Variants in GRIP1 observed in about 807,000 individuals in gnomAD.
GRIP1 encodes the protein glutamate receptor-interacting protein 1.
In GRIP1, 45 loss-of-function variants were observed where a neutral mutation model predicts 129.9. That is an observed-to-expected ratio of 0.35 (90% CI 0.27 to 0.44). GRIP1 has a LOEUF of 0.44. GRIP1 is among the 20% of genes least tolerant of loss of function. The pLI, the probability that GRIP1 is intolerant of heterozygous loss-of-function variation, is 1.00. For missense variants in GRIP1, 1,196 were observed against 1,396.8 expected, an observed-to-expected ratio of 0.86 and a Z score of 2.29; for synonymous variants, 530 against 520.8, an observed-to-expected ratio of 1.02 and a Z score of -0.24.
intron 23 of GRIP1, among the ~76,000 whole-genome samples, chr12:66,367,395 A>T (rs1034162939): frequency 6.6e-6 from 1 of 152,196 alleles, no homozygotes; most frequent in African/African-American, 2.4e-5. Flanking sequence ...CTCAATTTCT[A>T]TTCTGCAAAA....
rs111303748 is a variant in GRIP1 at position 66,443,450 on chromosome 12, C to CT, written c.1687+1133dup. On this transcript the variant is annotated intron_variant, in intron 13 of 24. Coordinates refer to ENST00000359742, the MANE Select transcript of GRIP1 (RefSeq NM_001366722.1). ...AATATTTTTTTTTTCTTTTCTCTTT[C>CT]TTTTTTTTTTTTGAGGTGGAGTTTT... is the stretch of plus-strand genomic sequence containing the variant. Among the ~76,000 whole-genome samples the CT allele has an allele frequency of 2.2e-3, 307 of 136,988 alleles. 3 individuals are homozygous for CT. Among genetic ancestry groups the CT allele is most frequent in the East Asian group, 9.4e-3 (46 of 4,914 alleles). 89.9% of individuals were successfully genotyped at this position (136,988 alleles called of 152,430 possible).
chr12:66,929,017 A>G (rs1396145081), intron 1 of GRIP1, among the ~76,000 whole-genome samples: 6 of 152,212 alleles, frequency 3.9e-5, no homozygotes, highest in African/African-American at 9.7e-5. Context: ...AACTTGCCCA[A>G]AGTTCTCAAG....
At chr12:67,007,163 GA>G (rs1309208825) in intron 1 of GRIP1, among the ~76,000 whole-genome samples, 2 of 152,032 alleles carry the variant, frequency 1.3e-5, no homozygotes, top group Admixed American at 6.6e-5. Flanking sequence ...AGGGTAGAGG[GA>G]TAAAAAGTGC....
At chr12:66,690,784 T>C (rs1592747227) in intron 1 of GRIP1, among the ~76,000 whole-genome samples, 1 of 150,980 alleles carries the variant, frequency 6.6e-6, no homozygotes, top group East Asian at 2.0e-4. Context: ...CTTAGAAAAA[T>C]TAACCAGGCA....
chr12:66,418,837 T>C (rs913869170), intron 15 of GRIP1, among the ~76,000 whole-genome samples: 4 of 152,180 alleles, frequency 2.6e-5, no homozygotes, highest in Non-Finnish European at 5.9e-5. Context: ...CCTGGTACAC[T>C]GTTGATGGGA....
At chr12:66,819,249 G>T (rs2039277714) in intron 1 of GRIP1, among the ~76,000 whole-genome samples, 1 of 152,048 alleles carries the variant, frequency 6.6e-6, no homozygotes, top group African/African-American at 2.4e-5. Context: ...AATCCTTTCA[G>T]CTAATAAGCT....
At chr12:66,970,540 C>CTTTTTTTTT (rs3051201) in intron 1 of GRIP1, among the ~76,000 whole-genome samples, 3 of 129,760 alleles carry the variant, frequency 2.3e-5, no homozygotes, top group Non-Finnish European at 3.2e-5. Flanking sequence ...CCTCTAGTGT[C>CTTTTTTTTT]TTTTTTTTTT....
At chr12:66,452,441 T>C (rs1483642570) in intron 11 of GRIP1, among the ~76,000 whole-genome samples, 1 of 152,214 alleles carries the variant, frequency 6.6e-6, no homozygotes, top group Non-Finnish European at 1.5e-5. Flanking sequence ...TTGTAACACA[T>C]CACTATATAC....
At chr12:66,421,768 C>A in intron 14 of GRIP1, among the ~76,000 whole-genome samples, 1 of 150,464 alleles carries the variant, frequency 6.6e-6, no homozygotes, top group African/African-American at 2.4e-5. Context: ...TTAGATAAAA[C>A]TATTATACTG....
intron 13 of GRIP1, among the ~76,000 whole-genome samples, chr12:66,435,088 C>A (rs1039081974): frequency 6.6e-6 from 1 of 152,090 alleles, no homozygotes; most frequent in East Asian, 1.9e-4. Flanking sequence ...CAAGTGTTTA[C>A]GGGCATAGCA....
At chr12:66,902,366 A>T (rs760162766) in intron 1 of GRIP1, among the ~76,000 whole-genome samples, 11 of 152,220 alleles carry the variant, frequency 7.2e-5, no homozygotes, top group Non-Finnish European at 1.3e-4. Context: ...GTTCCTTTAC[A>T]ATGTGACATT....
intron 1 of GRIP1, among the ~76,000 whole-genome samples, chr12:66,888,297 G>T (rs1045502393): frequency 6.6e-6 from 1 of 151,822 alleles, no homozygotes; most frequent in African/African-American, 2.4e-5. Context: ...TTAGACTCAA[G>T]CAATCATCTT....
intron 1 of GRIP1, among the ~76,000 whole-genome samples, chr12:66,733,357 T>C (rs148986465): frequency 1.7e-3 from 252 of 152,280 alleles, no homozygotes; most frequent in African/African-American, 5.8e-3. Flanking sequence ...AAACTATACA[T>C]TTTCTACATG....
chr12:66,407,091 T>G (rs1418676673), intron 15 of GRIP1, among the ~76,000 whole-genome samples: 1 of 152,208 alleles, frequency 6.6e-6, no homozygotes, highest in Non-Finnish European at 1.5e-5. Flanking sequence ...TGTATATGTA[T>G]ATATACACAG....
intron 23 of GRIP1, among the ~76,000 whole-genome samples, chr12:66,354,699 AAAAC>A (rs779232282): frequency 2.6e-5 from 4 of 152,228 alleles, no homozygotes; most frequent in African/African-American, 7.2e-5. Flanking sequence ...AACAAAAACA[AAAAC>A]AAAATCAGAG....
At chr12:66,955,784 G>C (rs142345994) in intron 1 of GRIP1, among the ~76,000 whole-genome samples, 3,004 of 152,174 alleles carry the variant, frequency 0.02, 105 homozygotes, top group African/African-American at 0.068. Context: ...TGGGATTACA[G>C]GCGTGAGCCA....
At chr12:67,037,925 C>T (rs1001488710) in intron 1 of GRIP1, among the ~76,000 whole-genome samples, 5 of 152,102 alleles carry the variant, frequency 3.3e-5, no homozygotes, top group South Asian at 4.1e-4. Flanking sequence ...CCAGGGAGGG[C>T]GTGTGTGATT....
intron 4 of GRIP1, among the ~76,000 whole-genome samples, chr12:66,532,155 T>C (rs554713119): frequency 3.2e-4 from 49 of 152,242 alleles, no homozygotes; most frequent in African/African-American, 1.1e-3. Flanking sequence ...TAAATTTGAA[T>C]GTTGACTGCG....
intron 22 of GRIP1, among the ~76,000 whole-genome samples, chr12:66,374,904 A>G (rs1592717965): frequency 6.6e-6 from 1 of 152,206 alleles, no homozygotes; most frequent in East Asian, 1.9e-4. Flanking sequence ...ATAAAAACTA[A>G]AATAAAAAGC....
Sources: allele counts gnomAD v4.1 joint callset (sites outside exome capture counted in the v4.1 genomes callset), GRCh38; gene constraint gnomAD v4.1.1; transcripts MANE v1.5; gene names NCBI Gene and HGNC (gene_info 2026-07-23, HGNC 2026-07-21).